Variants in ZBTB44 observed in about 807,000 individuals in gnomAD.
ZBTB44 encodes the protein zinc finger and BTB domain containing 44.
In ZBTB44, 15 loss-of-function variants were observed where a neutral mutation model predicts 54.0. The observed-to-expected ratio is 0.28, with a 90% CI of 0.19 to 0.43. The LOEUF (loss-of-function observed/expected upper bound fraction) is 0.43, where lower values mean the gene tolerates loss of function less well. Among genes scored for constraint, ZBTB44 ranks in the 20% least tolerant of loss-of-function variants. The probability of loss-of-function intolerance (pLI) is 1.00; values close to 1 mark genes in which losing one functional copy is unlikely to be tolerated. For missense variants in ZBTB44, 487 were observed against 707.1 expected, an observed-to-expected ratio of 0.69 and a Z score of 3.53; for synonymous variants, 230 against 250.1, an observed-to-expected ratio of 0.92 and a Z score of 0.76.
At chr11:130,248,797 T>C (rs551999119) in intron 2 of ZBTB44, among the ~76,000 whole-genome samples, 4 of 152,182 alleles carry the variant, frequency 2.6e-5, no homozygotes, top group East Asian at 1.9e-4. Flanking sequence ...GTTCTACTTA[T>C]TAACTTGTTA....
In ZBTB44 at chr11:130,239,848, G is replaced by A. The variant is rs767388223; in HGVS notation, c.1067C>T (p.Thr356Met). The A allele has an allele frequency of 2.3e-5, 37 of 1,612,286 alleles. No homozygotes were observed. The African/African-American group carries it at 3.5e-4, about 15-fold the overall frequency. ...VSEGLPTLQS[T>M]SSTNAPPDDD... is the part of the protein sequence containing the mutation. ...ATCCGGAGGAGCATTAGTGCTAGACGTGCTTTGAAGTGTAGGCAAGCCCTC... is the reference window on the plus strand; with the variant it reads ...ATCCGGAGGAGCATTAGTGCTAGACATGCTTTGAAGTGTAGGCAAGCCCTC... Residue 356 changes from threonine (T) to methionine (M), a missense_variant, in exon 3 of 8, where the codon ACG (threonine) becomes ATG (methionine). Thr to Met is a moderately conservative substitution (Grantham distance 81, BLOSUM62 -1). Coordinates refer to ENST00000357899, the MANE Select transcript of ZBTB44 (RefSeq NM_001301098.2).
intron 2 of ZBTB44, among the ~76,000 whole-genome samples, chr11:130,257,255 A>AG (rs1158758062): frequency 6.6e-6 from 1 of 151,642 alleles, no homozygotes; most frequent in African/African-American, 2.4e-5. Context: ...AAAAAAAAAA[A>AG]AAAAGAAAAA....
intron 5 of ZBTB44, 74 bp downstream of exon 5, chr11:130,236,719 A>G (rs1954125391): frequency 7.7e-7 from 1 of 1,304,344 alleles, no homozygotes; most frequent in African/African-American, 1.5e-5. Flanking sequence ...AAAAACACAG[A>G]AGGCTGCCCT....
In ZBTB44 at chr11:130,314,523, C is replaced by G. The variant is rs962009190; in HGVS notation, c.-205G>C. 1 of 150,728 alleles carries G rather than the reference C, an allele frequency of 6.6e-6. No individual in the cohort carries two copies. Among genetic ancestry groups the G allele is most frequent in the Non-Finnish European group, 1.5e-5 (1 of 67,590 alleles). 9.3% of individuals were successfully genotyped at this position (150,728 alleles called of 1,614,324 possible). Reference sequence around the variant, plus strand: ...TCTCCTCCCCCGGGAGGCTCAGGGGCCCCTATCTCGGGCCGCCGCGCCTAG... The same window carrying G: ...TCTCCTCCCCCGGGAGGCTCAGGGGGCCCTATCTCGGGCCGCCGCGCCTAG... On this transcript the variant is annotated 5_prime_UTR_variant, in exon 1 of 8. Transcript: ENST00000357899.
chr11:130,286,641 C>T (rs940603630), intron 1 of ZBTB44, among the ~76,000 whole-genome samples: 1 of 152,248 alleles, frequency 6.6e-6, no homozygotes, highest in Non-Finnish European at 1.5e-5. Flanking sequence ...CAGATTTCTT[C>T]ACCTCATGCA....
chr11:130,288,896 T>TA lies in ZBTB44; in HGVS notation c.-57+25478dup, dbSNP rs560248125. 9.2e-3 allele frequency among the ~76,000 whole-genome samples: 1,209 copies of TA among 131,716 alleles called. 20 individuals carry two copies. The highest frequency in any genetic ancestry group is 0.027 in the African/African-American group (978 of 36,454). The allele number at this position is 131,716 out of a possible 152,430, so 86.4% of individuals were successfully genotyped here. On this transcript the variant is annotated intron_variant, in intron 1 of 7. Transcript: ENST00000357899. ...TGGGTGACAGAGCGAGACTCCGTCT[T>TA]AAAAAAAAAAAAAAAGAAAAAGAAA...
intron 1 of ZBTB44, among the ~76,000 whole-genome samples, chr11:130,264,546 G>T (rs7102988): frequency 0.062 from 9,482 of 152,158 alleles, 735 homozygotes; most frequent in African/African-American, 0.18. Flanking sequence ...CTCCACAGAA[G>T]AAATAAAATG....
rs764210001 is a variant in ZBTB44, at chr11:130,234,138, A to G, written c.1686+18T>C. ...ACCCCAAGGGAAAAGTGCTTTCACA[A>G]TTCTGGGTTGAGGAGACCTGTGAAA... On this transcript the variant is annotated intron_variant, in intron 6 of 7. Coordinates refer to ENST00000357899, the MANE Select transcript of ZBTB44 (RefSeq NM_001301098.2). 1.9e-5 allele frequency: 30 copies of G among 1,544,414 alleles called. No homozygotes were observed. The Admixed American group carries it at 2.0e-4, about 10-fold the overall frequency.
intron 4 of ZBTB44, 138 bp from the exon 5 acceptor site, chr11:130,237,231 T>C (rs541893224): frequency 1.0e-5 from 9 of 895,300 alleles, no homozygotes; most frequent in South Asian, 3.9e-5. Context: ...CATATTCTAA[T>C]TGAGTATCTC....
chr11:130,284,907 G>GT (rs1472211257), intron 1 of ZBTB44: 1 of 151,594 alleles, frequency 6.6e-6, no homozygotes, highest in Non-Finnish European at 1.5e-5. Flanking sequence ...AAAAATCACT[G>GT]TTAAAAACAG....
At position 130,314,402 on chromosome 11, in the gene ZBTB44, G is replaced by C. The variant is rs1297277200; in HGVS notation, c.-84C>G. ...GCGGGCGGCGGCGCCGGGCCCGGAG[G>C]CCTGCTGCTCCTCCTCCTTCTCCCG... On this transcript the variant is annotated 5_prime_UTR_variant, in exon 1 of 8. Coordinates refer to ENST00000357899, the MANE Select transcript of ZBTB44 (RefSeq NM_001301098.2). The C allele has an allele frequency of 6.5e-6, 1 of 153,336 alleles. No individual in the cohort carries two copies. Among genetic ancestry groups the C allele is most frequent in the Non-Finnish European group, 1.5e-5 (1 of 68,428 alleles). 9.5% of individuals were successfully genotyped at this position (153,336 alleles called of 1,614,324 possible).
At chr11:130,265,455 C>T (rs1211910195) in intron 1 of ZBTB44, among the ~76,000 whole-genome samples, 1 of 152,094 alleles carries the variant, frequency 6.6e-6, no homozygotes, top group Admixed American at 6.6e-5. Flanking sequence ...GAACTCCTGA[C>T]CTCAAGTGAT....
intron 1 of ZBTB44, among the ~76,000 whole-genome samples, chr11:130,297,961 T>C (rs974557077): frequency 1.3e-5 from 2 of 152,188 alleles, no homozygotes; most frequent in Non-Finnish European, 2.9e-5. Context: ...AAGACAGATA[T>C]GGAAGAACAT....
At chr11:130,255,908 A>AC (rs1938398152) in intron 2 of ZBTB44, among the ~76,000 whole-genome samples, 2 of 150,130 alleles carry the variant, frequency 1.3e-5, no homozygotes, top group African/African-American at 5.0e-5. Flanking sequence ...CAAAAAAAAA[A>AC]AAAAAAAAAA....
At chr11:130,293,471 CAA>C (rs1197563571) in intron 1 of ZBTB44, among the ~76,000 whole-genome samples, 41 of 78,562 alleles carry the variant, frequency 5.2e-4, no homozygotes, top group Admixed American at 1.1e-3. Flanking sequence ...GATCTTGTAT[CAA>C]AAAAAAAAAA....
chr11:130,295,935 G>A, intron 1 of ZBTB44: 3 of 1,522,968 alleles, frequency 2.0e-6, no homozygotes, highest in Non-Finnish European at 2.7e-6. Context: ...CTGAAGCACA[G>A]AAACTTGCTA....
chr11:130,291,813 G>A (rs1275014931), intron 1 of ZBTB44, among the ~76,000 whole-genome samples: 1 of 152,154 alleles, frequency 6.6e-6, no homozygotes, highest in Non-Finnish European at 1.5e-5. Flanking sequence ...ATGCTTTCCT[G>A]ATATAATTCA....
Position 130,260,930 on chromosome 11 carries a change from C to G in ZBTB44, c.944G>C (p.Ser315Thr), listed in dbSNP as rs765141535. ...QPVSASQSSL[S>T]DQQTVPGSEQ... ...ACTTCCTGGAACTGTCTGCTGATCA[C>G]TCAGCGAACTCTGAGATGCACTGAC... Residue 315 changes from serine (S) to threonine (T), a missense_variant, in exon 2 of 8, where the codon AGT (serine) becomes ACT (threonine). Ser to Thr is a moderately conservative substitution (Grantham distance 58, BLOSUM62 1). Transcript: ENST00000357899. 1 of 1,614,038 alleles carries G rather than the reference C, an allele frequency of 6.2e-7. No individual in the cohort carries two copies. Among genetic ancestry groups the G allele is most frequent in the South Asian group, 1.1e-5 (1 of 91,090 alleles).
At chr11:130,282,720 A>C (rs1940619224) in intron 1 of ZBTB44, among the ~76,000 whole-genome samples, 1 of 152,212 alleles carries the variant, frequency 6.6e-6, no homozygotes, top group South Asian at 2.1e-4. Context: ...TTTGAGTAAG[A>C]GTGGCTACCA....
Sources: allele counts gnomAD v4.1 joint callset (sites outside exome capture counted in the v4.1 genomes callset), GRCh38; gene constraint gnomAD v4.1.1; transcripts MANE v1.5; gene names NCBI Gene and HGNC (gene_info 2026-07-23, HGNC 2026-07-21).